PELI2: variants seen among roughly 807,000 people sequenced by gnomAD.
PELI2 encodes pellino E3 ubiquitin protein ligase family member 2, also known as E3 ubiquitin-protein ligase pellino homolog 2.
A neutral mutation model predicts 42.3 loss-of-function variants in PELI2; 23 were observed. The ratio of observed to expected loss-of-function variants is 0.54; its 90% CI spans 0.39 to 0.77. The LOEUF (loss-of-function observed/expected upper bound fraction) is 0.77. PELI2 is among the 30% of genes least tolerant of loss of function. The probability of loss-of-function intolerance (pLI) is 0.00; values close to 1 mark genes in which losing one functional copy is unlikely to be tolerated. For missense variants in PELI2, 463 were observed against 553.2 expected, an observed-to-expected ratio of 0.84 and a Z score of 1.64; for synonymous variants, 245 against 212.2, an observed-to-expected ratio of 1.15 and a Z score of -1.34.
At chr14:56,234,499 G>A (rs1887711029) in intron 2 of PELI2, among the ~76,000 whole-genome samples, 1 of 152,088 alleles carries the variant, frequency 6.6e-6, no homozygotes, top group African/African-American at 2.4e-5. Flanking sequence ...ACTATCACAA[G>A]GACAGAAAAC....
intron 2 of PELI2, among the ~76,000 whole-genome samples, chr14:56,278,631 A>G (rs561236349): frequency 6.6e-6 from 1 of 152,322 alleles, no homozygotes; most frequent in South Asian, 2.1e-4. Flanking sequence ...AACCAGGCTA[A>G]CTAACTTCAG....
At chr14:56,126,886 T>C (rs931493482) in intron 1 of PELI2, among the ~76,000 whole-genome samples, 1 of 152,200 alleles carries the variant, frequency 6.6e-6, no homozygotes, top group African/African-American at 2.4e-5. Flanking sequence ...TTTGGGTACT[T>C]TCATCACATG....
chr14:56,295,778 G>C (rs113513213), intron 5 of PELI2, among the ~76,000 whole-genome samples: 4 of 152,162 alleles, frequency 2.6e-5, no homozygotes, highest in Admixed American at 6.5e-5. Flanking sequence ...CACACTCCTG[G>C]CTGCTATAAA....
intron 1 of PELI2, among the ~76,000 whole-genome samples, chr14:56,141,132 G>A (rs1300589253): frequency 6.6e-6 from 1 of 152,130 alleles, no homozygotes; most frequent in Non-Finnish European, 1.5e-5. Context: ...CAGTTTCCTG[G>A]GAAGTCTGGG....
chr14:56,216,828 G>A (rs1489778696), intron 2 of PELI2, among the ~76,000 whole-genome samples: 1 of 152,196 alleles, frequency 6.6e-6, no homozygotes, highest in East Asian at 1.9e-4. Flanking sequence ...AGTTGGCTGT[G>A]TGCCACGAGC....
intron 1 of PELI2, among the ~76,000 whole-genome samples, chr14:56,147,966 G>A (rs886366557): frequency 2.6e-5 from 4 of 152,202 alleles, no homozygotes; most frequent in Non-Finnish European, 4.4e-5. Flanking sequence ...TTTAGGTTTG[G>A]TGCTTTAATA....
At chr14:56,144,392 G>T (rs1391256316) in intron 1 of PELI2, among the ~76,000 whole-genome samples, 3 of 152,238 alleles carry the variant, frequency 2.0e-5, no homozygotes, top group Admixed American at 6.5e-5. Flanking sequence ...CAAAGCTGAT[G>T]TCCACAGGTG....
At chr14:56,161,117 T>C (rs1455556055) in intron 1 of PELI2, among the ~76,000 whole-genome samples, 2 of 152,190 alleles carry the variant, frequency 1.3e-5, no homozygotes, top group Non-Finnish European at 2.9e-5. Flanking sequence ...AAGACTGTTA[T>C]TAAGGTTCCA....
At chr14:56,125,139 T>C (rs1242084340) in intron 1 of PELI2, among the ~76,000 whole-genome samples, 1 of 152,078 alleles carries the variant, frequency 6.6e-6, no homozygotes, top group Non-Finnish European at 1.5e-5. Context: ...AGGGCAGCTG[T>C]CTTGCTTCTA....
chr14:56,249,706 A>C (rs1216677275), intron 2 of PELI2, among the ~76,000 whole-genome samples: 3 of 152,172 alleles, frequency 2.0e-5, no homozygotes, highest in Non-Finnish European at 2.9e-5. Flanking sequence ...TGGGGCAGCA[A>C]GTGGCTGACA....
intron 2 of PELI2, among the ~76,000 whole-genome samples, chr14:56,254,632 T>C (rs753942930): frequency 9.0e-4 from 137 of 152,118 alleles, no homozygotes; most frequent in Non-Finnish European, 1.1e-3. Flanking sequence ...AAAGCCAAAA[T>C]TGACAAATGG....
rs137897340 is a variant in PELI2, at chr14:56,290,328, G to A, written c.568G>A (p.Val190Ile). ...CATGGATGGGCTCACTACTAATGGC[G>A]TCCTGGTGATGCATCCACGAGGGGG... is the stretch of plus-strand genomic sequence containing the variant. The part of the protein sequence containing the change: ...GHMDGLTTNG[V>I]LVMHPRGGFT... The change falls in exon 5 of 6, where the codon GTC (valine) becomes ATC (isoleucine). Residue 190 changes from valine (V) to isoleucine (I), a missense_variant. Transcript: ENST00000267460. The A allele has an allele frequency of 1.2e-4, 187 of 1,613,258 alleles. 1 individual carries two copies. The highest frequency in any genetic ancestry group is 1.6e-4 in the East Asian group (7 of 44,874).
intron 5 of PELI2, chr14:56,292,724 G>A: frequency 2.1e-6 from 2 of 958,466 alleles, no homozygotes; most frequent in African/African-American, 1.8e-5. Flanking sequence ...TACAGCAAAT[G>A]ATGGAACCTC....
At chr14:56,284,170 ATAT>A (rs1259916010) in intron 3 of PELI2, among the ~76,000 whole-genome samples, 1 of 152,242 alleles carries the variant, frequency 6.6e-6, no homozygotes, top group Non-Finnish European at 1.5e-5. Context: ...GAACTCAGAA[ATAT>A]TATTGCCTGA....
chr14:56,202,601 G>A (rs1340051737), intron 2 of PELI2, among the ~76,000 whole-genome samples: 1 of 152,138 alleles, frequency 6.6e-6, no homozygotes, highest in Non-Finnish European at 1.5e-5. Flanking sequence ...TTGGATGTCT[G>A]TTCACAGGGA....
chr14:56,168,201 G>A (rs1480860167), intron 1 of PELI2, among the ~76,000 whole-genome samples: 1 of 152,144 alleles, frequency 6.6e-6, no homozygotes, highest in East Asian at 1.9e-4. Context: ...CAAGGCTCTG[G>A]GGCTCTGTAA....
At chr14:56,139,650 C>A (rs1162384070) in intron 1 of PELI2, among the ~76,000 whole-genome samples, 1 of 151,988 alleles carries the variant, frequency 6.6e-6, no homozygotes, top group African/African-American at 2.4e-5. Context: ...AGCTTGTTCC[C>A]CCACCACACA....
chr14:56,292,698 CGTT>C (rs1478865419), intron 5 of PELI2: 1 of 753,172 alleles, frequency 1.3e-6, no homozygotes, highest in Non-Finnish European at 1.6e-6. Flanking sequence ...AAGAAATCAC[CGTT>C]GTTTTTCATT....
intron 1 of PELI2, among the ~76,000 whole-genome samples, chr14:56,150,870 C>A (rs1205676113): frequency 6.6e-6 from 1 of 152,206 alleles, no homozygotes; most frequent in Non-Finnish European, 1.5e-5. Flanking sequence ...AGAGTGGATT[C>A]TTGGCAGCAT....
Sources: allele counts gnomAD v4.1 joint callset (sites outside exome capture counted in the v4.1 genomes callset), GRCh38; gene constraint gnomAD v4.1.1; transcripts MANE v1.5; gene names NCBI Gene and HGNC (gene_info 2026-07-23, HGNC 2026-07-21).